Variants in ZDHHC7 observed in about 807,000 individuals in gnomAD.
ZDHHC7 encodes palmitoyltransferase ZDHHC7.
Under a neutral mutation model 34.1 loss-of-function variants are expected in ZDHHC7, and 12 were observed. The observed-to-expected ratio is 0.35, with a 90% CI of 0.23 to 0.57. The LOEUF is 0.57. ZDHHC7 is among the 20% of genes least tolerant of loss of function. The pLI is 0.84. For synonymous variants in ZDHHC7, 185 were observed against 155.4 expected (o/e 1.19, Z -1.42); for missense variants, 388 against 402.7 (o/e 0.96, Z 0.31).
rs2072276940 is a variant in ZDHHC7, at chr16:84,975,064, G to A, written c.*1279C>T. 1 of 152,610 alleles carries A rather than the reference G, an allele frequency of 6.6e-6. No individual in the cohort carries two copies. The highest frequency in any genetic ancestry group is 2.1e-4 in the South Asian group (1 of 4,832). 9.5% of individuals were successfully genotyped at this position (152,610 alleles called of 1,614,324 possible). On this transcript the variant is annotated 3_prime_UTR_variant, in exon 8 of 8. Coordinates refer to ENST00000313732, the MANE Select transcript of ZDHHC7 (RefSeq NM_017740.3). ...GTCCGGCAAAAAATGTACAAACCAG[G>A]CAAGTTTAAGGCAAGGCCCCACGAG...
In ZDHHC7 at chr16:84,991,290, T is replaced by C. The variant is rs184448837; in HGVS notation, c.-17-655A>G. Among the ~76,000 whole-genome samples the C allele has an allele frequency of 2.0e-5, 3 of 152,274 alleles. No homozygotes were observed. In the East Asian group the frequency reaches 5.8e-4, roughly 29 times the overall value. On this transcript the variant is annotated intron_variant, in intron 2 of 7. Coordinates refer to ENST00000313732, the MANE Select transcript of ZDHHC7 (RefSeq NM_017740.3). ...CTTCTAGAATGCCCTTCATCTCTAT[T>C]TTAATCTTTTTTTTGAAACCAAGTC...
At chr16:85,008,502 A>C (rs377551460) in intron 1 of ZDHHC7, among the ~76,000 whole-genome samples, 61 of 137,320 alleles carry the variant, frequency 4.4e-4, no homozygotes, top group African/African-American at 6.6e-4. Context: ...CACCACCTAC[A>C]CCCCCCCCCA....
the ZDHHC7 span, among the ~76,000 whole-genome samples, chr16:85,018,269 T>C: frequency 1.1e-4 from 16 of 152,058 alleles, no homozygotes; most frequent in African/African-American, 3.9e-4. Flanking sequence ...ACATGCAATA[T>C]AATAAAAAGA....
At chr16:85,012,044 CT>C (rs2072801837), upstream of ZDHHC7, among the ~76,000 whole-genome samples, 1 of 152,240 alleles carries the variant, frequency 6.6e-6, no homozygotes, top group African/African-American at 2.4e-5. Flanking sequence ...AGCACCGCCA[CT>C]GTCCCTTCCA....
Position 84,995,798 on chromosome 16 carries a change from C to G in ZDHHC7, c.-18+124G>C, listed in dbSNP as rs1382961197. 4 of 152,336 alleles carry G rather than the reference C, an allele frequency of 2.6e-5. No individual in the cohort carries two copies. The East Asian group carries it at 7.7e-4, about 29-fold the overall frequency. 9.4% of individuals were successfully genotyped at this position (152,336 alleles called of 1,614,324 possible). A position where few individuals can be genotyped will look rare whatever the true frequency, so the allele number is the denominator to read the frequency against. On this transcript the variant is annotated intron_variant, in intron 2 of 7. Transcript: ENST00000313732. ...GCAGCGGGTGAAAAGGAAGGCGTGC[C>G]TGTCAGCTTGGCACCACGCCTCTGC...
intron 1 of ZDHHC7, among the ~76,000 whole-genome samples, chr16:85,010,859 T>G (rs1300576029): frequency 6.6e-6 from 1 of 152,214 alleles, no homozygotes; most frequent in Non-Finnish European, 1.5e-5. Context: ...GAGAAAAGTT[T>G]ACAGCTTAAG....
the ZDHHC7 span, among the ~76,000 whole-genome samples, chr16:85,021,614 A>C: frequency 3.3e-5 from 5 of 151,934 alleles, no homozygotes; most frequent in East Asian, 7.7e-4. Flanking sequence ...GCTACTCAGA[A>C]GACTGAGGCA....
At chr16:85,011,900 G>C (rs2072799706), upstream of ZDHHC7, among the ~76,000 whole-genome samples, 1 of 152,206 alleles carries the variant, frequency 6.6e-6, no homozygotes, top group South Asian at 2.1e-4. Context: ...GGGAAAGTAA[G>C]GGAGCGGGAG....
At chr16:85,017,544 A>G in the ZDHHC7 span, among the ~76,000 whole-genome samples, 1 of 152,216 alleles carries the variant, frequency 6.6e-6, no homozygotes, top group Non-Finnish European at 1.5e-5. Flanking sequence ...CCCAAACTTG[A>G]AACAACCTAA....
At chr16:85,014,064 C>A (rs2072824462), upstream of ZDHHC7, among the ~76,000 whole-genome samples, 1 of 152,166 alleles carries the variant, frequency 6.6e-6, no homozygotes, top group South Asian at 2.1e-4. Context: ...CTTTTCCTCC[C>A]CTACACACCC....
At chr16:85,016,621 AT>A in the ZDHHC7 span, among the ~76,000 whole-genome samples, 22,338 of 141,458 alleles carry the variant, frequency 0.16, 1,736 homozygotes, top group Middle Eastern at 0.2. Context: ...CACCTGGTTA[AT>A]TTTTTTTTTT....
At chr16:84,988,165 C>A (rs1428690936) in intron 3 of ZDHHC7, among the ~76,000 whole-genome samples, 1 of 151,580 alleles carries the variant, frequency 6.6e-6, no homozygotes, top group African/African-American at 2.4e-5. Context: ...AGTGAGACTC[C>A]GTCTCAAAAA....
At chr16:84,977,373 T>C in intron 6 of ZDHHC7, 148 bp from the exon 7 acceptor site, 1 of 1,053,250 alleles carries the variant, frequency 9.5e-7, no homozygotes, top group Non-Finnish European at 1.4e-6. Context: ...TTCATTGTTC[T>C]CCAAGGAGCA....
Position 84,977,158 on chromosome 16 carries a change from C to A in ZDHHC7, c.687G>T (p.Leu229=), listed in dbSNP as rs766610601. 6.2e-7 allele frequency: 1 copy of A among 1,614,200 alleles called. No individual in the cohort carries two copies. The highest frequency in any genetic ancestry group is 2.2e-5 in the East Asian group (1 of 44,892). The change falls in exon 7 of 8, where the codon CTG becomes CTT. Residue 229 remains leucine, a synonymous_variant. Transcript: ENST00000313732. The part of the protein sequence containing the change: ...LLIFLCLEGL[L]FFTFTAVMFG... ...ACATAACTGCAGTGAAAGTGAAAAA[C>A]AGAAGACCCTCAAGGCACAGGAAGA...
intron 3 of ZDHHC7, among the ~76,000 whole-genome samples, chr16:84,983,447 C>T (rs1313779462): frequency 6.6e-6 from 1 of 152,092 alleles, no homozygotes; most frequent in Non-Finnish European, 1.5e-5. Flanking sequence ...AGACTGCTGC[C>T]CGCTGGATTC....
At chr16:84,999,932 C>A (rs1268983528) in intron 1 of ZDHHC7, among the ~76,000 whole-genome samples, 1 of 152,052 alleles carries the variant, frequency 6.6e-6, no homozygotes, top group African/African-American at 2.4e-5. Context: ...TCACTTAAGC[C>A]CAAGAGTTCA....
At chr16:84,988,690 C>T in intron 3 of ZDHHC7, 1 of 1,365,878 alleles carries the variant, frequency 7.3e-7, no homozygotes, top group Non-Finnish European at 1.0e-6. Flanking sequence ...GTGCGCTTGT[C>T]AGCAAAGAGG....
intron 5 of ZDHHC7, 94 bp from the exon 6 acceptor site, chr16:84,978,099 G>C (rs532237923): frequency 1.0e-5 from 10 of 977,598 alleles, no homozygotes; most frequent in Non-Finnish European, 1.5e-5. Flanking sequence ...ATGCAGCGGC[G>C]TAGTCTCAGC....
At chr16:84,981,811 A>T in intron 4 of ZDHHC7, 59 bp downstream of exon 4, 3 of 1,611,846 alleles carry the variant, frequency 1.9e-6, no homozygotes, top group Non-Finnish European at 2.5e-6. Context: ...GGTTTAATAC[A>T]GCAGCACACG....
Sources: gnomAD v4.1 joint callset for allele counts (sites outside exome capture counted in the v4.1 genomes callset) on GRCh38, gnomAD v4.1.1 for gene constraint, MANE v1.5 for transcripts, NCBI Gene and HGNC (gene_info 2026-07-23, HGNC 2026-07-21) for gene names.